Variants in CDK8 observed in about 807,000 individuals in gnomAD.
CDK8 encodes cyclin dependent kinase 8.
A neutral mutation model predicts 71.5 loss-of-function variants in CDK8; 29 were observed. The ratio of observed to expected loss-of-function variants is 0.41; its 90% CI spans 0.30 to 0.55. The LOEUF is 0.55. Ranked by LOEUF, CDK8 falls within the 20% of genes least tolerant of loss-of-function variation. The pLI is 0.37. For missense variants in CDK8, 288 were observed against 572.6 expected (o/e 0.50, Z 5.07); for synonymous variants, 161 against 192.1 (o/e 0.84, Z 1.34).
Position 26,254,449 on chromosome 13 carries a change from G to A in CDK8, c.-193G>A, listed in dbSNP as rs555476753. 81 of 441,014 alleles carry A rather than the reference G, an allele frequency of 1.8e-4. 1 individual carries two copies. In the South Asian group the frequency reaches 2.1e-3, roughly 12 times the overall value. 27.3% of individuals were successfully genotyped at this position (441,014 alleles called of 1,614,324 possible). On this transcript the variant is annotated 5_prime_UTR_variant, in exon 1 of 13. Transcript: ENST00000381527. The surrounding 1 kb of genome is among the most constrained non-coding windows in gnomAD (Gnocchi z 6.7). Reference sequence around the variant, plus strand: ...TCCACCCCCGGCCGGCCTCTGCCCCGCCGTCCCCCTGGATGTCCCTGGCGC... The same window carrying A: ...TCCACCCCCGGCCGGCCTCTGCCCCACCGTCCCCCTGGATGTCCCTGGCGC...
chr13:26,397,513 C>T (rs1228390895), intron 9 of CDK8, among the ~76,000 whole-genome samples: 2 of 151,732 alleles, frequency 1.3e-5, no homozygotes, highest in Non-Finnish European at 2.9e-5. Context: ...TATTGTTTTT[C>T]GTCTGTTTAA....
Position 26,254,196 on chromosome 13 carries a change from TGAGTGTGAGCGTGTGTGTGA to T in CDK8, c.-442_-423del, listed in dbSNP as rs1360645258. ...GTGTATGGGAGAGTGAGTGAGTGAG[TGAGTGTGAGCGTGTGTGTGA>T]GAGCGTGAGGCGTGAGTGCGCGTGT... On this transcript the variant is annotated 5_prime_UTR_variant, in exon 1 of 13. Transcript: ENST00000381527. The surrounding 1 kb of genome is among the most constrained non-coding windows in gnomAD (Gnocchi z 6.7). The T allele has an allele frequency of 8.3e-6, 2 of 241,510 alleles. No individual in the cohort carries two copies. The highest frequency in any genetic ancestry group is 2.2e-5 in the African/African-American group (1 of 45,232). The allele number at this position is 241,510 out of a possible 1,614,324, so 15.0% of individuals were successfully genotyped here. A position where few individuals can be genotyped will look rare whatever the true frequency, so the allele number is the denominator to read the frequency against.
At chr13:26,265,498 T>C (rs1871982046) in intron 1 of CDK8, among the ~76,000 whole-genome samples, 1 of 152,274 alleles carries the variant, frequency 6.6e-6, no homozygotes, top group Non-Finnish European at 1.5e-5. Context: ...AGAGGTAATA[T>C]CACTCGTGGC....
intron 6 of CDK8, among the ~76,000 whole-genome samples, chr13:26,388,769 A>G (rs1013740856): frequency 6.6e-6 from 1 of 152,174 alleles, no homozygotes; most frequent in Non-Finnish European, 1.5e-5. Context: ...CACAAATCTA[A>G]ACTACCAGCA....
chr13:26,328,606 C>T lies in CDK8; in HGVS notation c.129-8961C>T, dbSNP rs761275500. On this transcript the variant is annotated intron_variant, in intron 1 of 12. Coordinates refer to ENST00000381527, the MANE Select transcript of CDK8 (RefSeq NM_001260.3). Reference sequence around the variant, plus strand: ...TCATTTTGAGAGGACCAAAGGTCTCCTGATTACTGATCCCTTTCTAAGTGA... The same window carrying T: ...TCATTTTGAGAGGACCAAAGGTCTCTTGATTACTGATCCCTTTCTAAGTGA... Among the ~76,000 whole-genome samples, 15 of 152,324 alleles carry T rather than the reference C, an allele frequency of 9.8e-5. 1 individual carries two copies. Among genetic ancestry groups the T allele is most frequent in the Middle Eastern group, 3.4e-3 (1 of 294 alleles).
intron 1 of CDK8, among the ~76,000 whole-genome samples, chr13:26,293,059 A>G (rs1181237698): frequency 6.6e-6 from 1 of 152,192 alleles, no homozygotes. Context: ...TGGACCCTGA[A>G]TCAAGAAAGT....
At chr13:26,288,528 C>T (rs1873132547) in intron 1 of CDK8, among the ~76,000 whole-genome samples, 1 of 150,860 alleles carries the variant, frequency 6.6e-6, no homozygotes, top group African/African-American at 2.4e-5. Context: ...TTAAAATCAC[C>T]CTAGTCATTT....
intron 4 of CDK8, among the ~76,000 whole-genome samples, chr13:26,357,094 T>C (rs1038408869): frequency 1.3e-4 from 20 of 152,236 alleles, no homozygotes; most frequent in African/African-American, 4.8e-4. Flanking sequence ...TTTGAGATGG[T>C]AGAGTTATGA....
At chr13:26,257,860 A>G (rs986628008) in intron 1 of CDK8, among the ~76,000 whole-genome samples, 1 of 151,866 alleles carries the variant, frequency 6.6e-6, no homozygotes, top group East Asian at 1.9e-4. Flanking sequence ...TGTTCCAAAG[A>G]ATAGATAATT....
intron 1 of CDK8, among the ~76,000 whole-genome samples, chr13:26,293,976 A>C (rs1873425046): frequency 6.6e-6 from 1 of 152,092 alleles, no homozygotes; most frequent in African/African-American, 2.4e-5. Flanking sequence ...CTACTTTTAT[A>C]AGTTCCACAT....
chr13:26,302,529 A>G (rs1167786951), intron 1 of CDK8, among the ~76,000 whole-genome samples: 1 of 152,186 alleles, frequency 6.6e-6, no homozygotes, highest in Admixed American at 6.5e-5. Context: ...TTGGTATTTT[A>G]CAGTCACTCT....
intron 1 of CDK8, among the ~76,000 whole-genome samples, chr13:26,326,933 C>T (rs1192386581): frequency 6.6e-6 from 1 of 152,050 alleles, no homozygotes; most frequent in African/African-American, 2.4e-5. Flanking sequence ...TAGTGGCATA[C>T]AATACACAGA....
intron 6 of CDK8, among the ~76,000 whole-genome samples, chr13:26,386,998 G>C (rs9551267): frequency 0.41 from 62,690 of 151,884 alleles, 14,687 homozygotes; most frequent in Non-Finnish European, 0.52. Context: ...CCTCCTCAAT[G>C]TTTTCTGTTT....
intron 4 of CDK8, among the ~76,000 whole-genome samples, chr13:26,356,670 T>C (rs1432254007): frequency 6.6e-6 from 1 of 152,236 alleles, no homozygotes; most frequent in Non-Finnish European, 1.5e-5. Flanking sequence ...TTAATGTTTA[T>C]AGTGTTTGAA....
intron 1 of CDK8, among the ~76,000 whole-genome samples, chr13:26,308,705 T>C (rs1036062008): frequency 6.6e-6 from 1 of 152,238 alleles, no homozygotes; most frequent in Non-Finnish European, 1.5e-5. Flanking sequence ...TACCACGCTT[T>C]CACCTTTTCT....
chr13:26,257,921 TGAGAGA>T (rs373368489), intron 1 of CDK8, among the ~76,000 whole-genome samples: 3 of 120,344 alleles, frequency 2.5e-5, no homozygotes, highest in African/African-American at 1.3e-4. Context: ...TGTGTGTGTG[TGAGAGA>T]GAGAGAGATA....
intron 4 of CDK8, among the ~76,000 whole-genome samples, chr13:26,355,172 T>C (rs774935581): frequency 1.3e-5 from 2 of 152,250 alleles, no homozygotes; most frequent in Non-Finnish European, 1.5e-5. Flanking sequence ...GGGAATTGCC[T>C]TGTAGTACAT....
rs76677241 is a variant in CDK8, at chr13:26,269,532, T to G, written c.128+14763T>G. On this transcript the variant is annotated intron_variant, in intron 1 of 12. Transcript: ENST00000381527. ...TAGCACATACCTCTCTTACTTGATC[T>G]ATTTCTCTTTAGATTGTTTTTTTTT... 2.2e-4 allele frequency among the ~76,000 whole-genome samples: 34 copies of G among 151,682 alleles called. No homozygotes were observed. The East Asian group carries it at 6.6e-3, about 29-fold the overall frequency.
At chr13:26,282,036 A>G (rs1315045911) in intron 1 of CDK8, among the ~76,000 whole-genome samples, 4 of 151,976 alleles carry the variant, frequency 2.6e-5, no homozygotes, top group African/African-American at 9.7e-5. Context: ...AGAATAAAAA[A>G]AAAGAACAAA....
Sources: gnomAD v4.1 joint callset for allele counts (sites outside exome capture counted in the v4.1 genomes callset) on GRCh38, gnomAD v4.1.1 for gene constraint, Gnocchi (gnomAD v3.1) non-coding constraint, MANE v1.5 for transcripts, NCBI Gene and HGNC (gene_info 2026-07-23, HGNC 2026-07-21) for gene names.